The following SEMA5A variants were observed in gnomAD, a reference collection of about 807,000 sequenced individuals.
The protein encoded by SEMA5A is semaphorin 5A.
In SEMA5A, 55 loss-of-function variants were observed where a neutral mutation model predicts 135.5. The ratio of observed to expected loss-of-function variants is 0.41; its 90% CI spans 0.33 to 0.51. The LOEUF (loss-of-function observed/expected upper bound fraction) is 0.51. Among genes scored for constraint, SEMA5A ranks in the 20% least tolerant of loss-of-function variants. The pLI is 0.37. For synonymous variants in SEMA5A, 580 were observed against 546.5 expected, an observed-to-expected ratio of 1.06 and a Z score of -0.85; for missense variants, 1,290 against 1,419.9, an observed-to-expected ratio of 0.91 and a Z score of 1.47.
chr5:9,421,095 G>A (rs1335031059), intron 2 of SEMA5A, among the ~76,000 whole-genome samples: 3 of 152,170 alleles, frequency 2.0e-5, no homozygotes, highest in African/African-American at 7.2e-5. Context: ...CTATTTCAGG[G>A]CCATTTCTTT....
At chr5:9,439,542 C>A (rs1390091390) in intron 1 of SEMA5A, among the ~76,000 whole-genome samples, 1 of 152,194 alleles carries the variant, frequency 6.6e-6, no homozygotes, top group Non-Finnish European at 1.5e-5. Context: ...GCTAATAGGT[C>A]TCCTGCCTCC....
At chr5:9,478,722 C>T (rs1579607302) in intron 1 of SEMA5A, among the ~76,000 whole-genome samples, 1 of 152,166 alleles carries the variant, frequency 6.6e-6, no homozygotes, top group African/African-American at 2.4e-5. Flanking sequence ...AACTAAATTG[C>T]TTTTGATTTT....
At chr5:9,444,252 C>T (rs1260004770) in intron 1 of SEMA5A, among the ~76,000 whole-genome samples, 1 of 151,404 alleles carries the variant, frequency 6.6e-6, no homozygotes, top group Non-Finnish European at 1.5e-5. Flanking sequence ...TGTAACCAAA[C>T]TTTTGTGGTG....
intron 1 of SEMA5A, among the ~76,000 whole-genome samples, chr5:9,506,071 C>T (rs888402729): frequency 6.6e-6 from 1 of 152,090 alleles, no homozygotes; most frequent in African/African-American, 2.4e-5. Flanking sequence ...GAATAATTTA[C>T]ATTATTGATA....
At chr5:9,514,321 C>T (rs964393234) in intron 1 of SEMA5A, among the ~76,000 whole-genome samples, 2 of 152,144 alleles carry the variant, frequency 1.3e-5, no homozygotes, top group South Asian at 2.1e-4. Context: ...TGCATCATTC[C>T]TTTTGCCATG....
intron 1 of SEMA5A, among the ~76,000 whole-genome samples, chr5:9,506,846 G>C (rs1434985930): frequency 6.6e-6 from 1 of 152,086 alleles, no homozygotes; most frequent in Admixed American, 6.5e-5. Context: ...TGTGCTATCC[G>C]AGGATCACTG....
chr5:9,278,087 T>C (rs2150557287), intron 5 of SEMA5A, among the ~76,000 whole-genome samples: 1 of 150,014 alleles, frequency 6.7e-6, no homozygotes. Flanking sequence ...CCGTATTTAC[T>C]AAATGTTATT....
At chr5:9,521,134 G>T (rs1736802211) in intron 1 of SEMA5A, among the ~76,000 whole-genome samples, 1 of 152,204 alleles carries the variant, frequency 6.6e-6, no homozygotes, top group Non-Finnish European at 1.5e-5. Context: ...TTTAGGCTAG[G>T]CCTGGTGGCT....
chr5:9,181,468 T>C (rs1202371175), intron 11 of SEMA5A, among the ~76,000 whole-genome samples: 1 of 152,102 alleles, frequency 6.6e-6, no homozygotes, highest in Non-Finnish European at 1.5e-5. Context: ...ACTTCTCCAG[T>C]GGCTGGTTTT....
chr5:9,136,731 T>TC, intron 12 of SEMA5A, 110 bp from the exon 13 acceptor site: 1 of 814,806 alleles, frequency 1.2e-6, no homozygotes, highest in Non-Finnish European at 2.1e-6. Flanking sequence ...TTCTTACATA[T>TC]GAAGCCCAAT....
At chr5:9,448,950 A>G (rs1758532959) in intron 1 of SEMA5A, among the ~76,000 whole-genome samples, 1 of 152,264 alleles carries the variant, frequency 6.6e-6, no homozygotes, top group African/African-American at 2.4e-5. Flanking sequence ...AGCATATTCA[A>G]GAACAACAGT....
chr5:9,341,461 C>T (rs985583971), intron 3 of SEMA5A, among the ~76,000 whole-genome samples: 1 of 151,742 alleles, frequency 6.6e-6, no homozygotes, highest in African/African-American at 2.4e-5. Context: ...AGAGGAAGTT[C>T]GGGGAGAGTG....
At chr5:9,044,188 G>A (rs1736115732) in intron 22 of SEMA5A, among the ~76,000 whole-genome samples, 185 bp downstream of exon 22, 1 of 152,154 alleles carries the variant, frequency 6.6e-6, no homozygotes, top group Non-Finnish European at 1.5e-5. Flanking sequence ...TGGACATTGT[G>A]GCTCCTGGGA....
At chr5:9,124,691 A>G (rs1179085571) in intron 13 of SEMA5A, among the ~76,000 whole-genome samples, 1 of 152,084 alleles carries the variant, frequency 6.6e-6, no homozygotes, top group Non-Finnish European at 1.5e-5. Context: ...ACTGACCTCA[A>G]ATGATCAGCT....
chr5:9,255,449 G>A (rs1220391807), intron 5 of SEMA5A, among the ~76,000 whole-genome samples: 3 of 152,140 alleles, frequency 2.0e-5, no homozygotes, highest in Non-Finnish European at 4.4e-5. Context: ...AAAGACATAC[G>A]GCTTGATCAC....
chr5:9,210,316 G>T (rs1746274493), intron 8 of SEMA5A, among the ~76,000 whole-genome samples: 1 of 152,214 alleles, frequency 6.6e-6, no homozygotes, highest in African/African-American at 2.4e-5. Flanking sequence ...CGATGTACAG[G>T]ATGGAGCAAT....
chr5:9,296,775 T>C (rs1428489674), intron 5 of SEMA5A, among the ~76,000 whole-genome samples: 1 of 151,926 alleles, frequency 6.6e-6, no homozygotes. Context: ...ATGTCTTCTG[T>C]AGTATTTTAC....
At chr5:9,153,863 T>G (rs1742773296) in intron 12 of SEMA5A, among the ~76,000 whole-genome samples, 1 of 151,202 alleles carries the variant, frequency 6.6e-6, no homozygotes, top group Non-Finnish European at 1.5e-5. Flanking sequence ...CTGGCCAACA[T>G]GGTGAAACCC....
rs1561207495 is a variant in SEMA5A, at chr5:9,384,559, G to GATAGATAGATAGATAC, written c.-77-4537_-77-4536insGTATCTATCTATCTAT. 1.1e-4 allele frequency among the ~76,000 whole-genome samples: 13 copies of GATAGATAGATAGATAC among 123,614 alleles called. 3 individuals carry two copies. Among genetic ancestry groups the GATAGATAGATAGATAC allele is most frequent in the African/African-American group, 4.0e-4 (13 of 32,710 alleles). The allele number at this position is 123,614 out of a possible 152,430, so 81.1% of individuals were successfully genotyped here. A position where few individuals can be genotyped will look rare whatever the true frequency, so the allele number is the denominator to read the frequency against. On this transcript the variant is annotated intron_variant, in intron 2 of 22. Transcript: ENST00000382496. ...AGATAGATAGATAGATAGATAGATA[G>GATAGATAGATAGATAC]ATAGATAGATACATAGATAGATAGA...
Sources: allele counts gnomAD v4.1 joint callset (sites outside exome capture counted in the v4.1 genomes callset), GRCh38; gene constraint gnomAD v4.1.1; transcripts MANE v1.5; gene names NCBI Gene and HGNC (gene_info 2026-07-23, HGNC 2026-07-21).